Variants in ANTXR1 observed in about 807,000 individuals in gnomAD.
The protein encoded by ANTXR1 is ANTXR cell adhesion molecule 1.
A neutral mutation model predicts 78.1 loss-of-function variants in ANTXR1; 19 were observed. The ratio of observed to expected loss-of-function variants is 0.24; its 90% CI spans 0.17 to 0.36. ANTXR1 has a LOEUF of 0.36. Among genes scored for constraint, ANTXR1 ranks in the 10% least tolerant of loss-of-function variants. The probability of loss-of-function intolerance (pLI) is 1.00; values close to 1 mark genes in which losing one functional copy is unlikely to be tolerated. For synonymous variants in ANTXR1, 273 were observed against 260.5 expected (o/e 1.05, Z -0.46); for missense variants, 518 against 718.6 (o/e 0.72, Z 3.19).
chr2:69,170,159 G>A, intron 13 of ANTXR1, 89 bp from the exon 14 acceptor site: 1 of 1,437,158 alleles, frequency 7.0e-7, no homozygotes, highest in Non-Finnish European at 9.8e-7. Flanking sequence ...AATTATGGCA[G>A]CACCACCACG....
At chr2:69,107,799 A>T (rs966476518) in intron 10 of ANTXR1, among the ~76,000 whole-genome samples, 2 of 152,214 alleles carry the variant, frequency 1.3e-5, no homozygotes, top group African/African-American at 4.8e-5. Context: ...AAAATTCATT[A>T]TCTGTTCCTA....
chr2:69,102,810 G>A, intron 9 of ANTXR1, 32 bp from the exon 10 acceptor site: 1 of 1,597,804 alleles, frequency 6.3e-7, no homozygotes, highest in Non-Finnish European at 8.6e-7. Flanking sequence ...TATTGGCCAA[G>A]TAACGAGTCT....
chr2:69,017,549 C>A (rs533378546), intron 1 of ANTXR1, among the ~76,000 whole-genome samples: 1 of 152,114 alleles, frequency 6.6e-6, no homozygotes, highest in Admixed American at 6.5e-5. Flanking sequence ...TTTAATGGAA[C>A]GTCATGTTTT....
At chr2:69,041,070 C>G (rs972860519) in intron 2 of ANTXR1, among the ~76,000 whole-genome samples, 2 of 151,902 alleles carry the variant, frequency 1.3e-5, no homozygotes, top group Non-Finnish European at 2.9e-5. Flanking sequence ...GTCTGTTATG[C>G]CAAAAATTGG....
chr2:69,055,862 A>T (rs1173382726), intron 3 of ANTXR1, among the ~76,000 whole-genome samples: 1 of 152,156 alleles, frequency 6.6e-6, no homozygotes, highest in East Asian at 1.9e-4. Flanking sequence ...ACTTTGGACC[A>T]GGACCCATTA....
rs764185984 is a variant in ANTXR1 at position 69,040,137 on chromosome 2, G to T, written c.224+22G>T. The T allele has an allele frequency of 3.1e-6, 5 of 1,605,714 alleles. No homozygotes were observed. The East Asian group carries it at 1.1e-4, about 36-fold the overall frequency. ...TCAGGTGAGAAACACTATGCATTTT[G>T]TTCACTTGTAGTTCTCTGTCATGAG... On this transcript the variant is annotated intron_variant, in intron 2 of 17. Transcript: ENST00000303714.
rs79289158 is a variant in ANTXR1, at chr2:69,202,573, T to C, written c.1434+9158T>C. Among the ~76,000 whole-genome samples the C allele has an allele frequency of 8.1e-3, 1,226 of 152,282 alleles. 15 individuals are homozygous for C. Among genetic ancestry groups the C allele is most frequent in the African/African-American group, 0.027 (1,134 of 41,558 alleles). Reference sequence around the variant, plus strand: ...AGAGGAAGGGGTTGAAGACAAGAACTCACTGTTAGACTGCAGGAACTCTTA... The same window carrying C: ...AGAGGAAGGGGTTGAAGACAAGAACCCACTGTTAGACTGCAGGAACTCTTA... On this transcript the variant is annotated intron_variant, in intron 17 of 17. Coordinates refer to ENST00000303714, the MANE Select transcript of ANTXR1 (RefSeq NM_032208.3).
At chr2:69,144,732 C>T (rs1356690594) in intron 12 of ANTXR1, among the ~76,000 whole-genome samples, 7 of 152,304 alleles carry the variant, frequency 4.6e-5, no homozygotes, top group Admixed American at 1.3e-4. Context: ...ATAGTCTAAC[C>T]GTGTGAAAGC....
intron 14 of ANTXR1, among the ~76,000 whole-genome samples, chr2:69,174,564 G>T (rs886291932): frequency 6.6e-6 from 1 of 152,106 alleles, no homozygotes; most frequent in Admixed American, 6.5e-5. Context: ...GGTGGAAGTT[G>T]CAGTGAGCCA....
chr2:69,096,224 C>T (rs1671397028), intron 9 of ANTXR1, among the ~76,000 whole-genome samples: 1 of 147,520 alleles, frequency 6.8e-6, no homozygotes, highest in Non-Finnish European at 1.5e-5. Flanking sequence ...TGTCACTGCA[C>T]TCCAGCCTGG....
intron 16 of ANTXR1, among the ~76,000 whole-genome samples, chr2:69,183,971 C>G (rs1326175589): frequency 6.6e-6 from 1 of 152,066 alleles, no homozygotes; most frequent in East Asian, 1.9e-4. Context: ...ACTCCAGTTT[C>G]AAGCTGCAAA....
chr2:69,245,724 T>A lies in ANTXR1; in HGVS notation c.*239T>A. On this transcript the variant is annotated 3_prime_UTR_variant, in exon 18 of 18. Coordinates refer to ENST00000303714, the MANE Select transcript of ANTXR1 (RefSeq NM_032208.3). ...GATTTATAGCCAGCCATCTATCACC[T>A]CTAGAAGGTTCCAGAGACAGTGAAA... The A allele has an allele frequency of 1.9e-6, 1 of 522,790 alleles. No homozygotes were observed. The highest frequency in any genetic ancestry group is 3.4e-6 in the Non-Finnish European group (1 of 297,018). 32.4% of individuals were successfully genotyped at this position (522,790 alleles called of 1,614,324 possible). A position where few individuals can be genotyped will look rare whatever the true frequency, so the allele number is the denominator to read the frequency against.
chr2:69,230,483 G>A (rs1220225615), intron 17 of ANTXR1, among the ~76,000 whole-genome samples: 1 of 152,058 alleles, frequency 6.6e-6, no homozygotes, highest in Non-Finnish European at 1.5e-5. Context: ...GACAGAGTTT[G>A]TTCATCCCTA....
intron 17 of ANTXR1, among the ~76,000 whole-genome samples, chr2:69,233,417 A>AT (rs1335167369): frequency 4.0e-5 from 6 of 151,854 alleles, no homozygotes; most frequent in Non-Finnish European, 7.4e-5. Flanking sequence ...ATGTGCAGAT[A>AT]ATTTTTATTA....
chr2:69,079,649 G>A (rs549094244), intron 8 of ANTXR1, among the ~76,000 whole-genome samples: 2 of 152,282 alleles, frequency 1.3e-5, no homozygotes, highest in African/African-American at 4.8e-5. Flanking sequence ...CTAACCTATA[G>A]GCAGTGGGTG....
chr2:69,216,417 AT>A (rs1675177410), intron 17 of ANTXR1, among the ~76,000 whole-genome samples: 1 of 152,102 alleles, frequency 6.6e-6, no homozygotes, highest in Non-Finnish European at 1.5e-5. Context: ...ACACACATGC[AT>A]ATACATACAT....
At chr2:69,189,235 C>T (rs567857979) in intron 16 of ANTXR1, among the ~76,000 whole-genome samples, 3 of 152,320 alleles carry the variant, frequency 2.0e-5, no homozygotes, top group Admixed American at 1.3e-4. Context: ...CTAATCTCGC[C>T]TTGGCCAGAA....
At chr2:69,172,685 A>C (rs1674027450) in intron 14 of ANTXR1, 1 of 457,182 alleles carries the variant, frequency 2.2e-6, no homozygotes. Context: ...AATGAAGATA[A>C]CTTTATAATA....
chr2:69,175,388 C>T (rs1674092503), intron 14 of ANTXR1, among the ~76,000 whole-genome samples: 1 of 152,078 alleles, frequency 6.6e-6, no homozygotes, highest in African/African-American at 2.4e-5. Flanking sequence ...AGCAGGATTG[C>T]TTGGGGCCAG....
Sources: gnomAD v4.1 joint callset for allele counts (sites outside exome capture counted in the v4.1 genomes callset) on GRCh38, gnomAD v4.1.1 for gene constraint, MANE v1.5 for transcripts, NCBI Gene and HGNC (gene_info 2026-07-23, HGNC 2026-07-21) for gene names.